PHLDB2: variants seen among roughly 807,000 people sequenced by gnomAD.
PHLDB2 encodes pleckstrin homology-like domain family B member 2.
PHLDB2 carries 71 observed loss-of-function variants against 123.6 expected under a neutral mutation model. The observed-to-expected ratio is 0.57, with a 90% CI of 0.47 to 0.70. The LOEUF (loss-of-function observed/expected upper bound fraction) is 0.70. Among genes scored for constraint, PHLDB2 ranks in the 30% least tolerant of loss-of-function variants. PHLDB2 has a pLI of 0.00. For synonymous variants in PHLDB2, 547 were observed against 541.6 expected (o/e 1.01, Z -0.14); for missense variants, 1,446 against 1,519.5 (o/e 0.95, Z 0.80).
intron 1 of PHLDB2, among the ~76,000 whole-genome samples, chr3:111,840,826 T>C (rs900710230): frequency 2.6e-5 from 4 of 152,232 alleles, no homozygotes; most frequent in African/African-American, 9.6e-5. Context: ...CAATGTAAGC[T>C]CACGTAAACA....
At chr3:111,894,944 G>GTA (rs1347017557) in intron 2 of PHLDB2, among the ~76,000 whole-genome samples, 1 of 151,612 alleles carries the variant, frequency 6.6e-6, no homozygotes, top group Non-Finnish European at 1.5e-5. Flanking sequence ...GTGTGTGTGT[G>GTA]TGTGTATGTA....
At chr3:111,867,952 C>T (rs756462060) in intron 1 of PHLDB2, among the ~76,000 whole-genome samples, 8 of 151,874 alleles carry the variant, frequency 5.3e-5, no homozygotes, top group Non-Finnish European at 7.4e-5. Context: ...CTGCCTGCCT[C>T]GGCCTCCTAG....
At chr3:111,968,000 T>A (rs1296524589) in intron 15 of PHLDB2, among the ~76,000 whole-genome samples, 176 bp downstream of exon 15, 199 of 108,532 alleles carry the variant, frequency 1.8e-3, no homozygotes, top group Middle Eastern at 5.2e-3. Flanking sequence ...AAAAAAAAAA[T>A]GTGAGTTCAT....
At chr3:111,735,300 G>A (rs1941649869) in intron 1 of PHLDB2, among the ~76,000 whole-genome samples, 1 of 152,184 alleles carries the variant, frequency 6.6e-6, no homozygotes, top group African/African-American at 2.4e-5. Flanking sequence ...ACCCATGTCG[G>A]CTTGGAGTCT....
intron 8 of PHLDB2, among the ~76,000 whole-genome samples, chr3:111,943,297 A>G (rs2070040099): frequency 6.6e-6 from 1 of 152,216 alleles, no homozygotes; most frequent in African/African-American, 2.4e-5. Flanking sequence ...TCTTTCAAAG[A>G]AATGATGCTG....
chr3:111,840,538 C>T (rs1278633176), intron 1 of PHLDB2, among the ~76,000 whole-genome samples: 1 of 152,058 alleles, frequency 6.6e-6, no homozygotes, highest in Non-Finnish European at 1.5e-5. Context: ...TCATTTTCCT[C>T]CATACCACTT....
chr3:111,779,781 T>C (rs979354415), intron 1 of PHLDB2: 28 of 868,604 alleles, frequency 3.2e-5, no homozygotes, highest in African/African-American at 9.1e-5. Context: ...TGCAAAAATC[T>C]ATACTCTTAA....
At chr3:111,894,825 A>T (rs956101296) in intron 2 of PHLDB2, among the ~76,000 whole-genome samples, 10 of 152,006 alleles carry the variant, frequency 6.6e-5, no homozygotes, top group African/African-American at 2.4e-4. Flanking sequence ...AAGTAAGTAC[A>T]TTTTTTGTCA....
At chr3:111,823,092 G>A (rs1050057875) in intron 1 of PHLDB2, among the ~76,000 whole-genome samples, 9 of 152,228 alleles carry the variant, frequency 5.9e-5, no homozygotes, top group African/African-American at 2.2e-4. Context: ...GGTGATGCTG[G>A]AGTACTCAAC....
In PHLDB2 at chr3:111,738,790, A is replaced by T. The variant is rs1405130282; in HGVS notation, c.-49+6087A>T. ...GAATTTAATCAAGAAATTGATTTAT[A>T]AAAAGAAAACTGGAATTGCTAGGGG... On this transcript the variant is annotated intron_variant, in intron 1 of 17. Transcript: ENST00000393923. 2.0e-5 allele frequency among the ~76,000 whole-genome samples: 3 copies of T among 152,216 alleles called. No individual in the cohort carries two copies. In the East Asian group the frequency reaches 5.8e-4, roughly 29 times the overall value.
intron 6 of PHLDB2, among the ~76,000 whole-genome samples, chr3:111,937,043 G>C (rs562097813): frequency 2.0e-4 from 30 of 152,252 alleles, no homozygotes; most frequent in African/African-American, 7.0e-4. Context: ...TTGAAATTGA[G>C]CACATATTTT....
At chr3:111,829,298 A>G (rs1020897945) in intron 1 of PHLDB2, among the ~76,000 whole-genome samples, 2 of 152,032 alleles carry the variant, frequency 1.3e-5, no homozygotes, top group African/African-American at 2.4e-5. Flanking sequence ...TATGACTGAA[A>G]AACAACTCAA....
chr3:111,831,046 A>AAAGAAAGG, intron 1 of PHLDB2, among the ~76,000 whole-genome samples: 1 of 142,820 alleles, frequency 7.0e-6, no homozygotes, highest in African/African-American at 2.6e-5. Flanking sequence ...AGGAAGGAAG[A>AAAGAAAGG]AAGAGAAAAG....
At chr3:111,952,322 C>T (rs910428449) in intron 10 of PHLDB2, among the ~76,000 whole-genome samples, 2 of 152,118 alleles carry the variant, frequency 1.3e-5, no homozygotes, top group Non-Finnish European at 2.9e-5. Flanking sequence ...GCCCCAAGGC[C>T]GCAGGCACTA....
intron 1 of PHLDB2, among the ~76,000 whole-genome samples, chr3:111,755,141 G>A (rs2107984700): frequency 6.7e-6 from 1 of 149,358 alleles, no homozygotes; most frequent in African/African-American, 2.4e-5. Context: ...GCCCGGCTTT[G>A]GTATCAGGAT....
intron 9 of PHLDB2, 67 bp downstream of exon 9, chr3:111,945,424 T>G (rs2070232413): frequency 2.5e-6 from 3 of 1,177,828 alleles, no homozygotes; most frequent in African/African-American, 3.1e-5. Context: ...TCAGCTTTAT[T>G]TGATTAGCTG....
intron 2 of PHLDB2, among the ~76,000 whole-genome samples, chr3:111,893,791 A>C (rs370716587): frequency 1.3e-5 from 2 of 149,814 alleles, no homozygotes; most frequent in Admixed American, 6.6e-5. Context: ...AATTAGGTAT[A>C]ATATATTTGA....
intron 1 of PHLDB2, among the ~76,000 whole-genome samples, chr3:111,797,318 A>T (rs2061199791): frequency 6.6e-6 from 1 of 152,220 alleles, no homozygotes; most frequent in South Asian, 2.1e-4. Context: ...AAGATGTGGA[A>T]CTTTGAATGG....
At chr3:111,798,844 G>A (rs988908796) in intron 1 of PHLDB2, among the ~76,000 whole-genome samples, 9 of 152,128 alleles carry the variant, frequency 5.9e-5, no homozygotes, top group Non-Finnish European at 1.2e-4. Flanking sequence ...TGAGGGCCAG[G>A]AAGGTGAGCT....
Sources: allele counts gnomAD v4.1 joint callset (sites outside exome capture counted in the v4.1 genomes callset), GRCh38; gene constraint gnomAD v4.1.1; transcripts MANE v1.5; gene names NCBI Gene and HGNC (gene_info 2026-07-23, HGNC 2026-07-21).